The following UBE2G1 variants were observed in gnomAD, a reference collection of about 807,000 sequenced individuals.
UBE2G1 encodes the protein ubiquitin-conjugating enzyme E2 G1.
In UBE2G1, 5 loss-of-function variants were observed where a neutral mutation model predicts 22.7. The observed-to-expected ratio is 0.22, with a 90% CI of 0.12 to 0.46. The LOEUF is 0.46. UBE2G1 is among the 20% of genes least tolerant of loss of function. The pLI, the probability that UBE2G1 is intolerant of heterozygous loss-of-function variation, is 0.99. For missense variants in UBE2G1, 88 were observed against 203.9 expected (o/e 0.43, Z 3.46); for synonymous variants, 74 against 67.5 (o/e 1.10, Z -0.47).
At chr17:4,362,714 G>A (rs1005404539) in intron 1 of UBE2G1, among the ~76,000 whole-genome samples, 2 of 152,144 alleles carry the variant, frequency 1.3e-5, no homozygotes, top group Non-Finnish European at 2.9e-5. Context: ...ACAAAAATTA[G>A]CCTGGCGTGG....
chr17:4,338,298 AGAG>A (rs1219376203), intron 1 of UBE2G1, among the ~76,000 whole-genome samples: 3 of 152,234 alleles, frequency 2.0e-5, no homozygotes, highest in Non-Finnish European at 4.4e-5. Context: ...GTAAGATAAT[AGAG>A]AAGAAATAAA....
chr17:4,349,599 C>T (rs1436458237), intron 1 of UBE2G1, among the ~76,000 whole-genome samples: 2 of 151,672 alleles, frequency 1.3e-5, no homozygotes, highest in African/African-American at 2.4e-5. Context: ...ATCCCAGCAG[C>T]TTGGGAGGCC....
chr17:4,312,690 C>A (rs1444543442), intron 1 of UBE2G1, among the ~76,000 whole-genome samples: 1 of 99,634 alleles, frequency 1.0e-5, no homozygotes, highest in Admixed American at 1.0e-4. Flanking sequence ...AGCAAGACTC[C>A]ATCTCAAAAA....
chr17:4,360,034 C>G (rs1411528083), intron 1 of UBE2G1, among the ~76,000 whole-genome samples: 1 of 151,810 alleles, frequency 6.6e-6, no homozygotes, highest in Non-Finnish European at 1.5e-5. Context: ...TATTCATTAC[C>G]AAAATTTGGA....
At chr17:4,285,969 G>C (rs1968958613) in intron 4 of UBE2G1, among the ~76,000 whole-genome samples, 1 of 151,192 alleles carries the variant, frequency 6.6e-6, no homozygotes, top group South Asian at 2.1e-4. Context: ...AAAAAAATTG[G>C]AGCCAAAGAA....
intron 2 of UBE2G1, among the ~76,000 whole-genome samples, chr17:4,299,955 T>C (rs1969155692): frequency 6.6e-6 from 1 of 151,708 alleles, no homozygotes; most frequent in Non-Finnish European, 1.5e-5. Context: ...GCCTCCCAAG[T>C]ACCTAGGATT....
intron 3 of UBE2G1, among the ~76,000 whole-genome samples, chr17:4,295,863 C>A (rs907964267): frequency 6.7e-6 from 1 of 148,624 alleles, no homozygotes; most frequent in Non-Finnish European, 1.5e-5. Flanking sequence ...AGAACTGCCA[C>A]CGTGTGGATT....
chr17:4,301,515 G>A (rs938902613), intron 2 of UBE2G1: 1 of 1,067,172 alleles, frequency 9.4e-7, no homozygotes, highest in African/African-American at 1.6e-5. Context: ...GAACAGGCAG[G>A]TGAACACCAT....
At chr17:4,293,425 GAT>G (rs1420701311) in intron 3 of UBE2G1, among the ~76,000 whole-genome samples, 1 of 152,092 alleles carries the variant, frequency 6.6e-6, no homozygotes, top group East Asian at 1.9e-4. Context: ...TTTATCAGCT[GAT>G]AGACATTTGG....
At position 4,301,647 on chromosome 17, in the gene UBE2G1, A is replaced by G. The variant is rs1384909824; in HGVS notation, c.150-4833T>C. On this transcript the variant is annotated intron_variant, in intron 2 of 5. Coordinates refer to ENST00000396981, the MANE Select transcript of UBE2G1 (RefSeq NM_003342.5). Reference sequence around the variant, plus strand: ...GGGCACAATTACTTTTAGCTGTTTTATTTGCACTGGACAGGTTGTTTTGTT... The same window carrying G: ...GGGCACAATTACTTTTAGCTGTTTTGTTTGCACTGGACAGGTTGTTTTGTT... The G allele has an allele frequency of 7.3e-6, 6 of 823,430 alleles. No homozygotes were observed. In the African/African-American group the frequency reaches 8.4e-5, roughly 12 times the overall value. The allele number at this position is 823,430 out of a possible 1,614,324, so 51.0% of individuals were successfully genotyped here.
At chr17:4,325,127 A>C (rs1463335916) in intron 1 of UBE2G1, among the ~76,000 whole-genome samples, 2 of 152,120 alleles carry the variant, frequency 1.3e-5, no homozygotes, top group East Asian at 3.9e-4. Context: ...AAAAAAAAGT[A>C]GTTTAAAATC....
At chr17:4,294,695 T>C (rs1393768542) in intron 3 of UBE2G1, among the ~76,000 whole-genome samples, 1 of 152,106 alleles carries the variant, frequency 6.6e-6, no homozygotes, top group Non-Finnish European at 1.5e-5. Context: ...GCAGATCACT[T>C]GTGCCCAGGA....
At chr17:4,311,566 T>C (rs1466194894) in intron 1 of UBE2G1, among the ~76,000 whole-genome samples, 1 of 152,184 alleles carries the variant, frequency 6.6e-6, no homozygotes, top group African/African-American at 2.4e-5. Flanking sequence ...ACTTATTCTA[T>C]ATGATATATC....
intron 2 of UBE2G1, chr17:4,301,842 G>C (rs1969183977): frequency 1.9e-6 from 1 of 514,792 alleles, no homozygotes; most frequent in Non-Finnish European, 3.8e-6. Context: ...AGAATTGGAA[G>C]TACGGTAAAC....
chr17:4,351,478 A>C (rs951387566), intron 1 of UBE2G1, among the ~76,000 whole-genome samples: 5 of 152,212 alleles, frequency 3.3e-5, no homozygotes, highest in African/African-American at 9.6e-5. Flanking sequence ...GCAAATGCTC[A>C]GGGCAGAAGA....
rs1969564309 is a variant in UBE2G1, at chr17:4,330,719, A to G, written c.47-23596T>C. Reference sequence around the variant, plus strand: ...ACCATTGCGCTCCAGCCTGGACAACAAGAGTGAAACTCCATCTCAAATAAA... The same window carrying G: ...ACCATTGCGCTCCAGCCTGGACAACGAGAGTGAAACTCCATCTCAAATAAA... On this transcript the variant is annotated intron_variant, in intron 1 of 5. Coordinates refer to ENST00000396981, the MANE Select transcript of UBE2G1 (RefSeq NM_003342.5). Among the ~76,000 whole-genome samples, 3 of 152,208 alleles carry G rather than the reference A, an allele frequency of 2.0e-5. No individual in the cohort carries two copies. In the South Asian group the frequency reaches 6.2e-4, roughly 32 times the overall value.
chr17:4,326,343 A>G (rs755252356), intron 1 of UBE2G1, among the ~76,000 whole-genome samples: 4 of 152,188 alleles, frequency 2.6e-5, no homozygotes, highest in Admixed American at 6.5e-5. Flanking sequence ...AAAGATGCTC[A>G]ATATCACTAA....
intron 2 of UBE2G1, among the ~76,000 whole-genome samples, chr17:4,297,482 C>A (rs1391379991): frequency 6.6e-6 from 1 of 152,184 alleles, no homozygotes; most frequent in Non-Finnish European, 1.5e-5. Context: ...TGCCCTGTGA[C>A]TGCTATTTTA....
chr17:4,339,985 G>GC, intron 1 of UBE2G1, among the ~76,000 whole-genome samples: 1 of 152,196 alleles, frequency 6.6e-6, no homozygotes, highest in Non-Finnish European at 1.5e-5. Context: ...ACGGGCTGGA[G>GC]TGCAGTGGTG....
Sources: gnomAD v4.1 joint callset for allele counts (sites outside exome capture counted in the v4.1 genomes callset) on GRCh38, gnomAD v4.1.1 for gene constraint, MANE v1.5 for transcripts, NCBI Gene and HGNC (gene_info 2026-07-23, HGNC 2026-07-21) for gene names.